The following RALY variants were observed in gnomAD, a reference collection of about 807,000 sequenced individuals.
The protein encoded by RALY is RALY heterogeneous nuclear ribonucleoprotein, also known as RNA-binding protein Raly.
Under a neutral mutation model 30.7 loss-of-function variants are expected in RALY, and 15 were observed. That is an observed-to-expected ratio of 0.49 (90% CI 0.33 to 0.75). The LOEUF (loss-of-function observed/expected upper bound fraction) is 0.75. RALY is among the 30% of genes least tolerant of loss of function. The probability of loss-of-function intolerance (pLI) is 0.02; values close to 1 mark genes in which losing one functional copy is unlikely to be tolerated. For missense variants in RALY, 339 were observed against 414.3 expected (o/e 0.82, Z 1.58); for synonymous variants, 177 against 170.8 (o/e 1.04, Z -0.28).
chr20:34,058,923 C>T (rs555021785), intron 2 of RALY, among the ~76,000 whole-genome samples: 6 of 152,116 alleles, frequency 3.9e-5, no homozygotes, highest in Non-Finnish European at 8.8e-5. Flanking sequence ...GTGGCAGGGG[C>T]ACACTTGATT....
chr20:34,078,215 T>C (rs1361503736), intron 8 of RALY, among the ~76,000 whole-genome samples: 1 of 152,248 alleles, frequency 6.6e-6, no homozygotes, highest in Non-Finnish European at 1.5e-5. Flanking sequence ...CACCAGTCTA[T>C]AAGGCTTTCA....
At chr20:34,054,063 T>G (rs1222273718) in intron 2 of RALY, among the ~76,000 whole-genome samples, 2 of 152,180 alleles carry the variant, frequency 1.3e-5, no homozygotes, top group Non-Finnish European at 2.9e-5. Context: ...TTTATTTTCT[T>G]TCTCATCAGT....
At chr20:34,071,816 ATGT>A (rs775224489) in intron 2 of RALY, among the ~76,000 whole-genome samples, 1 of 152,172 alleles carries the variant, frequency 6.6e-6, no homozygotes, top group African/African-American at 2.4e-5. Context: ...CCCTTGTAAA[ATGT>A]TGTGGTTCTG....
At chr20:33,995,065 T>C (rs1007090) in intron 1 of RALY, among the ~76,000 whole-genome samples, 112,836 of 152,076 alleles carry the variant, frequency 0.74, 42,335 homozygotes, top group South Asian at 0.85. Flanking sequence ...GTGCAGAGGG[T>C]ATTTTTACCT....
At chr20:34,035,077 C>T (rs980743514) in intron 2 of RALY, among the ~76,000 whole-genome samples, 1 of 139,326 alleles carries the variant, frequency 7.2e-6, no homozygotes, top group South Asian at 2.4e-4. Context: ...GGTGTGAACC[C>T]GGGAGGCAGA....
At chr20:34,067,233 C>T (rs536217334) in intron 2 of RALY, among the ~76,000 whole-genome samples, 34 of 152,164 alleles carry the variant, frequency 2.2e-4, no homozygotes, top group South Asian at 4.1e-4. Context: ...CTCGCTCTGT[C>T]GCCTAGGCTG....
At chr20:34,069,868 C>G (rs754802934) in intron 2 of RALY, among the ~76,000 whole-genome samples, 10 of 152,192 alleles carry the variant, frequency 6.6e-5, no homozygotes, top group Non-Finnish European at 1.2e-4. Flanking sequence ...TCATCAGTAG[C>G]AGTGATGGGA....
intron 1 of RALY, among the ~76,000 whole-genome samples, chr20:34,018,137 C>G (rs780882518): frequency 3.9e-5 from 6 of 152,224 alleles, no homozygotes; most frequent in African/African-American, 7.2e-5. Context: ...AGAGCAGTAC[C>G]TAACGTGTAG....
At chr20:34,028,018 G>A (rs1431123069) in intron 1 of RALY, among the ~76,000 whole-genome samples, 2 of 152,194 alleles carry the variant, frequency 1.3e-5, no homozygotes, top group Non-Finnish European at 2.9e-5. Context: ...CTGGCTGGGC[G>A]TGGTGGCTCA....
intron 2 of RALY, among the ~76,000 whole-genome samples, chr20:34,067,954 G>A (rs75595999): frequency 4.0e-5 from 6 of 151,520 alleles, no homozygotes; most frequent in South Asian, 4.2e-4. Context: ...GGGTAATCTT[G>A]TCTCTGCTAC....
intron 1 of RALY, among the ~76,000 whole-genome samples, chr20:34,010,809 A>G (rs576989717): frequency 4.6e-5 from 7 of 152,076 alleles, no homozygotes; most frequent in Non-Finnish European, 1.0e-4. Context: ...AGGTCTGGAG[A>G]GGTTAAGCAA....
rs2034016192 is a variant in RALY, at chr20:34,080,704, C to T, written c.*799C>T. Reference sequence around the variant, plus strand: ...CCACGCAGTCTTTCTGAAACGTATCCCTTCCCTGCCTAAAATCCCTTTACT... The same window carrying T: ...CCACGCAGTCTTTCTGAAACGTATCTCTTCCCTGCCTAAAATCCCTTTACT... On this transcript the variant is annotated 3_prime_UTR_variant, in exon 10 of 10. Coordinates refer to ENST00000246194, the MANE Select transcript of RALY (RefSeq NM_016732.3). 6.6e-6 allele frequency: 1 copy of T among 152,526 alleles called. No homozygotes were observed. The highest frequency in any genetic ancestry group is 1.5e-5 in the Non-Finnish European group (1 of 68,160). 9.4% of individuals were successfully genotyped at this position (152,526 alleles called of 1,614,324 possible).
At chr20:34,079,066 G>C (rs1395492737) in intron 9 of RALY, among the ~76,000 whole-genome samples, 1 of 152,182 alleles carries the variant, frequency 6.6e-6, no homozygotes, top group Non-Finnish European at 1.5e-5. Context: ...TGCCCCCCTA[G>C]TTGGTAGAGG....
intron 1 of RALY, 146 bp downstream of exon 1, chr20:33,994,277 ACT>A (rs1452267500): frequency 6.6e-6 from 1 of 151,538 alleles, no homozygotes. Context: ...AGCCCGAGTA[ACT>A]CTAGGCCCCC....
chr20:34,039,324 GTAGC>G (rs1344017872), intron 2 of RALY, among the ~76,000 whole-genome samples: 5 of 152,248 alleles, frequency 3.3e-5, no homozygotes, highest in Non-Finnish European at 4.4e-5. Context: ...TGGAAACTGA[GTAGC>G]TAGCAAGTGT....
intron 2 of RALY, among the ~76,000 whole-genome samples, chr20:34,045,880 ATTTCT>A (rs1050433298): frequency 1.2e-4 from 19 of 152,228 alleles, no homozygotes; most frequent in African/African-American, 4.6e-4. Flanking sequence ...GTAAAACTTG[ATTTCT>A]TTTCCCCAGT....
chr20:34,078,854 G>C (rs1005131229), intron 9 of RALY, among the ~76,000 whole-genome samples: 2 of 152,174 alleles, frequency 1.3e-5, no homozygotes, highest in African/African-American at 4.8e-5. Context: ...CTCCTAGTCT[G>C]GTAGAGGAAG....
chr20:34,060,868 C>T lies in RALY; in HGVS notation c.-9-11198C>T, dbSNP rs553544039. Among the ~76,000 whole-genome samples the T allele has an allele frequency of 3.3e-5, 5 of 152,250 alleles. No individual in the cohort carries two copies. In the South Asian group the frequency reaches 6.2e-4, roughly 19 times the overall value. Reference sequence around the variant, plus strand: ...GTTTTGTACACTGATGAAAATTTGACGACGCACATGGAAGATTGAAGGTGC... The same window carrying T: ...GTTTTGTACACTGATGAAAATTTGATGACGCACATGGAAGATTGAAGGTGC... On this transcript the variant is annotated intron_variant, in intron 2 of 9. Transcript: ENST00000246194.
At chr20:34,061,272 G>A (rs151327908) in intron 2 of RALY, among the ~76,000 whole-genome samples, 7 of 152,290 alleles carry the variant, frequency 4.6e-5, no homozygotes, top group African/African-American at 1.4e-4. Flanking sequence ...CATTAGAAGT[G>A]TTTGGTGGCA....
Sources: allele counts gnomAD v4.1 joint callset (sites outside exome capture counted in the v4.1 genomes callset), GRCh38; gene constraint gnomAD v4.1.1; transcripts MANE v1.5; gene names NCBI Gene and HGNC (gene_info 2026-07-23, HGNC 2026-07-21).